Variants in NCKAP5 observed in about 807,000 individuals in gnomAD.
The protein encoded by NCKAP5 is nck-associated protein 5.
A neutral mutation model predicts 167.0 loss-of-function variants in NCKAP5; 92 were observed. That is an observed-to-expected ratio of 0.55 (90% CI 0.47 to 0.66). The LOEUF is 0.66. Ranked by LOEUF, NCKAP5 falls within the 30% of genes least tolerant of loss-of-function variation. The pLI, the probability that NCKAP5 is intolerant of heterozygous loss-of-function variation, is 0.00. For synonymous variants in NCKAP5, 891 were observed against 877.4 expected, an observed-to-expected ratio of 1.02 and a Z score of -0.27; for missense variants, 2,378 against 2,315.0, an observed-to-expected ratio of 1.03 and a Z score of -0.56.
chr2:133,590,634 T>G, the NCKAP5 span, among the ~76,000 whole-genome samples: 1 of 151,378 alleles, frequency 6.6e-6, no homozygotes, highest in Non-Finnish European at 1.5e-5. Flanking sequence ...AAAAGAAAAG[T>G]AGAAATTCCC....
intron 11 of NCKAP5, among the ~76,000 whole-genome samples, chr2:132,802,007 A>C (rs2105206670): frequency 6.6e-6 from 1 of 152,314 alleles, no homozygotes; most frequent in Middle Eastern, 3.4e-3. Context: ...CAAACTGCTG[A>C]CTTCAGGTTA....
At chr2:132,730,513 A>C (rs1034577757) in intron 17 of NCKAP5, among the ~76,000 whole-genome samples, 8 of 152,202 alleles carry the variant, frequency 5.3e-5, no homozygotes, top group African/African-American at 9.6e-5. Flanking sequence ...AACAAAAACA[A>C]AAAAGACAGA....
intron 3 of NCKAP5, among the ~76,000 whole-genome samples, chr2:133,506,414 C>T (rs1445531916): frequency 6.6e-6 from 1 of 152,202 alleles, no homozygotes; most frequent in African/African-American, 2.4e-5. Context: ...CAAATCTACC[C>T]TTCACCCTTC....
intron 4 of NCKAP5, among the ~76,000 whole-genome samples, chr2:133,267,826 T>C (rs1183917617): frequency 6.6e-6 from 1 of 152,212 alleles, no homozygotes; most frequent in Non-Finnish European, 1.5e-5. Flanking sequence ...TCCACTTTAA[T>C]ACAATCACAT....
At chr2:132,860,800 A>C (rs184292325) in intron 10 of NCKAP5, among the ~76,000 whole-genome samples, 189 bp from the exon 11 acceptor site, 1 of 152,208 alleles carries the variant, frequency 6.6e-6, no homozygotes, top group African/African-American at 2.4e-5. Flanking sequence ...TGTGCAAAGA[A>C]GACCAATTTT....
rs150504919 is a variant in NCKAP5 at position 133,521,951 on chromosome 2, A to G, written c.-61-4364T>C. ...TATGGTGGCTACCTCCAGACTCCAC[A>G]CCTCTCTGCTTGTTATGTGACTGTT... is the stretch of plus-strand genomic sequence containing the variant. On this transcript the variant is annotated intron_variant, in intron 2 of 19. Transcript: ENST00000409261. Among the ~76,000 whole-genome samples the G allele has an allele frequency of 2.2e-3, 340 of 152,104 alleles. 5 individuals are homozygous for G. Among genetic ancestry groups the G allele is most frequent in the African/African-American group, 7.5e-3 (312 of 41,478 alleles).
chr2:133,484,557 CCCAAAAT>C (rs1198868164), intron 3 of NCKAP5, among the ~76,000 whole-genome samples: 1 of 152,246 alleles, frequency 6.6e-6, no homozygotes, highest in South Asian at 2.1e-4. Flanking sequence ...CATCCCTAAT[CCCAAAAT>C]CCAAAATCCA....
chr2:132,814,893 A>C (rs1408420832), intron 11 of NCKAP5, among the ~76,000 whole-genome samples: 1 of 152,208 alleles, frequency 6.6e-6, no homozygotes, highest in African/African-American at 2.4e-5. Context: ...ACAGACACAC[A>C]ACACTCTGTT....
intron 3 of NCKAP5, among the ~76,000 whole-genome samples, chr2:133,459,204 T>C (rs1335502316): frequency 6.6e-6 from 1 of 152,156 alleles, no homozygotes; most frequent in Non-Finnish European, 1.5e-5. Flanking sequence ...TCCATGTATG[T>C]TTTGTACAAT....
chr2:133,092,044 C>T (rs1448205632), intron 6 of NCKAP5, among the ~76,000 whole-genome samples: 1 of 152,156 alleles, frequency 6.6e-6, no homozygotes, highest in Non-Finnish European at 1.5e-5. Flanking sequence ...ACCTCTGACT[C>T]AATACTTAGT....
At chr2:132,917,337 T>G (rs1694964001) in intron 8 of NCKAP5, among the ~76,000 whole-genome samples, 1 of 152,176 alleles carries the variant, frequency 6.6e-6, no homozygotes, top group South Asian at 2.1e-4. Flanking sequence ...ATTTATAAGA[T>G]CCATACGTTT....
intron 4 of NCKAP5, among the ~76,000 whole-genome samples, chr2:133,225,776 G>GTTTTTT (rs1415189212): frequency 1.5e-5 from 1 of 67,728 alleles, no homozygotes; most frequent in Non-Finnish European, 3.1e-5. Flanking sequence ...ATCATGCCCT[G>GTTTTTT]TTCTTTTTTT....
chr2:132,757,870 C>T (rs1680678986), intron 16 of NCKAP5, among the ~76,000 whole-genome samples: 3 of 152,202 alleles, frequency 2.0e-5, no homozygotes, highest in African/African-American at 7.2e-5. Flanking sequence ...AATAGACTTG[C>T]TTGCTGGATG....
At chr2:132,996,844 T>C (rs2077617110) in intron 6 of NCKAP5, among the ~76,000 whole-genome samples, 1 of 152,228 alleles carries the variant, frequency 6.6e-6, no homozygotes, top group South Asian at 2.1e-4. Context: ...GATGACCTTG[T>C]CATTGGGGCC....
chr2:132,803,139 T>C (rs569723589), intron 11 of NCKAP5, among the ~76,000 whole-genome samples: 1 of 152,342 alleles, frequency 6.6e-6, no homozygotes, highest in African/African-American at 2.4e-5. Flanking sequence ...TAAAACATAA[T>C]ATCTGCATTC....
intron 5 of NCKAP5, among the ~76,000 whole-genome samples, chr2:133,187,498 T>C (rs1472213389): frequency 6.6e-6 from 1 of 152,052 alleles, no homozygotes; most frequent in Non-Finnish European, 1.5e-5. Context: ...GAGACCCACA[T>C]GGGCAAATTA....
At chr2:132,829,467 TATTG>T (rs1322493915) in intron 11 of NCKAP5, among the ~76,000 whole-genome samples, 1 of 152,212 alleles carries the variant, frequency 6.6e-6, no homozygotes, top group African/African-American at 2.4e-5. Context: ...AATATAATTT[TATTG>T]AAATACAGTC....
intron 8 of NCKAP5, among the ~76,000 whole-genome samples, chr2:132,944,617 G>A (rs553189918): frequency 6.0e-4 from 92 of 152,182 alleles, no homozygotes; most frequent in Non-Finnish European, 1.2e-3. Flanking sequence ...GTTGCTATGG[G>A]CTACTTTGGG....
intron 5 of NCKAP5, among the ~76,000 whole-genome samples, chr2:133,154,569 A>G (rs971854579): frequency 2.0e-5 from 3 of 152,202 alleles, no homozygotes; most frequent in Non-Finnish European, 4.4e-5. Flanking sequence ...TGCTTCTATA[A>G]CTTACCATGG....
Sources: gnomAD v4.1 joint callset for allele counts (sites outside exome capture counted in the v4.1 genomes callset) on GRCh38, gnomAD v4.1.1 for gene constraint, MANE v1.5 for transcripts, NCBI Gene and HGNC (gene_info 2026-07-23, HGNC 2026-07-21) for gene names.